Variants in OSBPL9 observed in about 807,000 individuals in gnomAD.
OSBPL9 encodes oxysterol-binding protein-related protein 9.
OSBPL9 carries 40 observed loss-of-function variants against 106.6 expected under a neutral mutation model. That is an observed-to-expected ratio of 0.38 (90% CI 0.29 to 0.49). The LOEUF is 0.49. Ranked by LOEUF, OSBPL9 falls within the 20% of genes least tolerant of loss-of-function variation. The pLI, the probability that OSBPL9 is intolerant of heterozygous loss-of-function variation, is 0.97. For synonymous variants in OSBPL9, 269 were observed against 295.4 expected (o/e 0.91, Z 0.92); for missense variants, 609 against 887.2 (o/e 0.69, Z 3.98).
chr1:51,531,384 A>G, the OSBPL9 span, among the ~76,000 whole-genome samples: 1 of 152,218 alleles, frequency 6.6e-6, no homozygotes, highest in Non-Finnish European at 1.5e-5. Context: ...CAAATATAAG[A>G]TTATTGCAAT....
chr1:51,663,036 A>G (rs896161502), intron 2 of OSBPL9, among the ~76,000 whole-genome samples: 2 of 152,010 alleles, frequency 1.3e-5, no homozygotes, highest in East Asian at 1.9e-4. Context: ...GAGCCACCGC[A>G]CCTGGCCAAT....
the OSBPL9 span, among the ~76,000 whole-genome samples, chr1:51,556,454 A>G: frequency 6.6e-6 from 1 of 152,068 alleles, no homozygotes; most frequent in Admixed American, 6.6e-5. Context: ...GCAGAATGAT[A>G]ATTACCAGAG....
the OSBPL9 span, among the ~76,000 whole-genome samples, chr1:51,537,508 A>G: frequency 2.6e-5 from 4 of 152,162 alleles, no homozygotes; most frequent in Admixed American, 2.0e-4. Context: ...CCATTTTAGT[A>G]AACAGAGCCA....
At chr1:51,676,624 A>G (rs1036673199) in intron 3 of OSBPL9, among the ~76,000 whole-genome samples, 2 of 146,970 alleles carry the variant, frequency 1.4e-5, no homozygotes, top group Admixed American at 7.0e-5. Context: ...GCGCCACTGC[A>G]CTCCAGCCTG....
At chr1:51,764,465 T>G (rs1672151756) in intron 11 of OSBPL9, among the ~76,000 whole-genome samples, 2 of 152,236 alleles carry the variant, frequency 1.3e-5, no homozygotes, top group African/African-American at 4.8e-5. Context: ...TTGTGTTATC[T>G]TTTTAAAATA....
chr1:51,782,437 T>C (rs574302743), intron 16 of OSBPL9, 122 bp from the exon 17 acceptor site: 89 of 651,028 alleles, frequency 1.4e-4, no homozygotes, highest in Admixed American at 4.7e-4. Flanking sequence ...AGTTCTACAA[T>C]AGAAATATAT....
chr1:51,564,052 CA>C, the OSBPL9 span, among the ~76,000 whole-genome samples: 50 of 27,384 alleles, frequency 1.8e-3, no homozygotes, highest in South Asian at 9.9e-3. Flanking sequence ...GAGATCATCT[CA>C]AAAAAAAAAA....
chr1:51,644,301 C>T (rs561767786), intron 1 of OSBPL9, among the ~76,000 whole-genome samples: 5 of 151,992 alleles, frequency 3.3e-5, no homozygotes, highest in South Asian at 4.2e-4. Context: ...GACAGGATCA[C>T]GAGTTAGTTT....
At chr1:51,693,610 A>G (rs956641772) in intron 3 of OSBPL9, among the ~76,000 whole-genome samples, 1 of 152,214 alleles carries the variant, frequency 6.6e-6, no homozygotes, top group Non-Finnish European at 1.5e-5. Context: ...TATTTAAATA[A>G]TGACTCAGAC....
intron 11 of OSBPL9, 95 bp downstream of exon 11, chr1:51,762,066 T>C: frequency 1.2e-6 from 1 of 839,708 alleles, no homozygotes; most frequent in Non-Finnish European, 2.0e-6. Context: ...GTTGAAGAAA[T>C]GTGTTGTATA....
intron 4 of OSBPL9, among the ~76,000 whole-genome samples, chr1:51,714,832 C>G (rs1467071221): frequency 6.6e-6 from 1 of 152,188 alleles, no homozygotes; most frequent in Non-Finnish European, 1.5e-5. Flanking sequence ...GTCATAGATT[C>G]TACCCTGGAG....
chr1:51,532,157 AAG>A, the OSBPL9 span, among the ~76,000 whole-genome samples: 1 of 152,210 alleles, frequency 6.6e-6, no homozygotes. Context: ...AGAGAATGAA[AAG>A]AGAGGACTTG....
chr1:51,523,468 T>C, the OSBPL9 span, among the ~76,000 whole-genome samples: 1 of 150,908 alleles, frequency 6.6e-6, no homozygotes, highest in African/African-American at 2.4e-5. Flanking sequence ...CAAGGGTTAT[T>C]TTTAATCTTT....
chr1:51,767,963 T>TTTTTA (rs869122901), intron 12 of OSBPL9, among the ~76,000 whole-genome samples: 1 of 136,448 alleles, frequency 7.3e-6, no homozygotes, highest in Non-Finnish European at 1.6e-5. Context: ...TTTTTTTTTT[T>TTTTTA]GAGACACAGT....
intron 1 of OSBPL9, among the ~76,000 whole-genome samples, chr1:51,591,212 C>T (rs1382232921): frequency 6.6e-6 from 1 of 150,704 alleles, no homozygotes; most frequent in African/African-American, 2.4e-5. Context: ...GCCACCGTGC[C>T]GGGCCCATGC....
At position 51,787,790 on chromosome 1, in the gene OSBPL9, G is replaced by A. The variant is rs764625435; in HGVS notation, c.*1G>A. The A allele has an allele frequency of 1.2e-6, 2 of 1,610,242 alleles. No homozygotes were observed. Among genetic ancestry groups the A allele is most frequent in the South Asian group, 2.2e-5 (2 of 90,978 alleles). ...ACGTCTTGGTGCTGCCAAGCATTAG[G>A]TTGGAAGATGCAAAGTTTATACCTG... On this transcript the variant is annotated 3_prime_UTR_variant, in exon 24 of 24. Coordinates refer to ENST00000428468, the MANE Select transcript of OSBPL9 (RefSeq NM_024586.6).
chr1:51,703,614 T>C (rs186151644), intron 3 of OSBPL9, among the ~76,000 whole-genome samples: 289 of 152,358 alleles, frequency 1.9e-3, no homozygotes, highest in Non-Finnish European at 3.5e-3. Context: ...CTTCTCTTCC[T>C]AATTGAAGAC....
Position 51,697,169 on chromosome 1 carries a change from G to GA in OSBPL9, c.242-16824dup, listed in dbSNP as rs902977431. Among the ~76,000 whole-genome samples, 107 of 132,160 alleles carry GA rather than the reference G, an allele frequency of 8.1e-4. 3 individuals carry two copies. In the South Asian group the frequency reaches 0.013, roughly 16 times the overall value. The allele number at this position is 132,160 out of a possible 152,430, so 86.7% of individuals were successfully genotyped here. On this transcript the variant is annotated intron_variant, in intron 3 of 23. Coordinates refer to ENST00000428468, the MANE Select transcript of OSBPL9 (RefSeq NM_024586.6). ...AGTGAGACCGTATTTCTCAAAAAAA[G>GA]AAAAAAAAAAGAAAGAAAAAAGAAA... is the stretch of plus-strand genomic sequence containing the variant.
At chr1:51,694,336 A>T (rs898263763) in intron 3 of OSBPL9, among the ~76,000 whole-genome samples, 3 of 152,238 alleles carry the variant, frequency 2.0e-5, no homozygotes, top group Non-Finnish European at 4.4e-5. Context: ...TTAATAGAAG[A>T]CAGCTGGATT....
Sources: gnomAD v4.1 joint callset for allele counts (sites outside exome capture counted in the v4.1 genomes callset) on GRCh38, gnomAD v4.1.1 for gene constraint, MANE v1.5 for transcripts, NCBI Gene and HGNC (gene_info 2026-07-23, HGNC 2026-07-21) for gene names.